EPM2A: variants seen among roughly 807,000 people sequenced by gnomAD.
EPM2A encodes laforin.
EPM2A carries 21 observed loss-of-function variants against 26.5 expected under a neutral mutation model. The ratio of observed to expected loss-of-function variants is 0.79; its 90% confidence interval spans 0.56 to 1.14. The LOEUF (loss-of-function observed/expected upper bound fraction) is 1.14. Among genes scored for constraint, EPM2A ranks in the 50% most tolerant of loss-of-function variants. The pLI is 0.00. For synonymous variants in EPM2A, 217 were observed against 177.6 expected (o/e 1.22, Z -1.76); for missense variants, 458 against 440.8 (o/e 1.04, Z -0.35).
chr6:145,514,313 C>T (rs1051811930), intron 2 of EPM2A, among the ~76,000 whole-genome samples: 18 of 152,066 alleles, frequency 1.2e-4, no homozygotes, highest in Admixed American at 3.9e-4. Context: ...CAGCAAACCT[C>T]AGGGACGTGA....
At chr6:145,711,087 G>A (rs568054679) in intron 1 of EPM2A, among the ~76,000 whole-genome samples, 8 of 152,158 alleles carry the variant, frequency 5.3e-5, no homozygotes, top group South Asian at 2.1e-4. Flanking sequence ...AAACCTGCAC[G>A]TTGTGCACAT....
downstream of EPM2A, among the ~76,000 whole-genome samples, chr6:145,498,174 A>C (rs916072288): frequency 1.3e-5 from 2 of 152,250 alleles, no homozygotes; most frequent in Admixed American, 1.3e-4. Flanking sequence ...TCATTCAAAC[A>C]GCAAAGATAG....
At chr6:145,554,799 G>A (rs927758243) in intron 2 of EPM2A, among the ~76,000 whole-genome samples, 1 of 152,000 alleles carries the variant, frequency 6.6e-6, no homozygotes, top group Admixed American at 6.6e-5. Flanking sequence ...ATGTATTGGG[G>A]AACACATTAA....
At chr6:145,631,535 A>G (rs1438413040) in intron 3 of EPM2A, 1 of 152,168 alleles carries the variant, frequency 6.6e-6, no homozygotes, top group East Asian at 1.9e-4. Flanking sequence ...ACACTCATTA[A>G]GTCCATGAAT....
intron 2 of EPM2A, among the ~76,000 whole-genome samples, chr6:145,539,889 C>A (rs1780483476): frequency 6.6e-6 from 1 of 152,144 alleles, no homozygotes; most frequent in South Asian, 2.1e-4. Flanking sequence ...CTCCAAACTA[C>A]CTTTCTTGTC....
chr6:145,455,090 G>C (rs1276609701), intron 4 of EPM2A, among the ~76,000 whole-genome samples: 1 of 151,280 alleles, frequency 6.6e-6, no homozygotes, highest in Non-Finnish European at 1.5e-5. Context: ...TGAAGAGAAT[G>C]TGGTAATAGA....
At chr6:145,620,898 A>G (rs529184153), downstream of EPM2A, among the ~76,000 whole-genome samples, 4 of 152,368 alleles carry the variant, frequency 2.6e-5, no homozygotes, top group South Asian at 2.1e-4. Flanking sequence ...GATTACCACA[A>G]TCAAGCTAAT....
chr6:145,491,008 CT>C, intron 4 of EPM2A: 1 of 920,806 alleles, frequency 1.1e-6, no homozygotes, highest in Non-Finnish European at 1.7e-6. Flanking sequence ...TCAATTGTGC[CT>C]TCAGCAATCT....
intron 4 of EPM2A, among the ~76,000 whole-genome samples, chr6:145,418,717 C>A (rs2114681293): frequency 6.6e-6 from 1 of 152,252 alleles, no homozygotes; most frequent in South Asian, 2.1e-4. Context: ...GGGCTCATGA[C>A]CCCGCTTGAC....
chr6:145,587,834 C>T (rs1259851759), intron 2 of EPM2A, among the ~76,000 whole-genome samples: 19 of 152,122 alleles, frequency 1.2e-4, no homozygotes, highest in Non-Finnish European at 1.5e-5. Flanking sequence ...ATATCTAAAA[C>T]CTTGAAAGGC....
At chr6:145,388,671 C>T (rs1314954036) in intron 4 of EPM2A, among the ~76,000 whole-genome samples, 1 of 152,108 alleles carries the variant, frequency 6.6e-6, no homozygotes, top group Non-Finnish European at 1.5e-5. Context: ...CCTTGCCCCT[C>T]AGCCCCTGAC....
intron 1 of EPM2A, among the ~76,000 whole-genome samples, chr6:145,714,742 A>G (rs899281121): frequency 1.3e-4 from 20 of 152,232 alleles, no homozygotes; most frequent in African/African-American, 4.8e-4. Flanking sequence ...GATCTTGTGC[A>G]GGGAAACTCC....
At chr6:145,421,435 C>T (rs1778779328) in intron 4 of EPM2A, among the ~76,000 whole-genome samples, 1 of 151,842 alleles carries the variant, frequency 6.6e-6, no homozygotes, top group Admixed American at 6.6e-5. Flanking sequence ...TGTAAAGGAA[C>T]ATTATGTTTA....
At chr6:145,530,358 T>G (rs1780336789) in intron 2 of EPM2A, among the ~76,000 whole-genome samples, 1 of 152,232 alleles carries the variant, frequency 6.6e-6, no homozygotes, top group Admixed American at 6.5e-5. Context: ...CGAATTTACA[T>G]TCGTTTTACT....
At chr6:145,664,628 C>G (rs1308011240) in intron 2 of EPM2A, among the ~76,000 whole-genome samples, 2 of 151,722 alleles carry the variant, frequency 1.3e-5, no homozygotes, top group Non-Finnish European at 2.9e-5. Context: ...AACAAGGATA[C>G]CCAGGAATTG....
At chr6:145,587,917 T>C (rs1781219432) in intron 2 of EPM2A, among the ~76,000 whole-genome samples, 1 of 152,246 alleles carries the variant, frequency 6.6e-6, no homozygotes. Flanking sequence ...GAAGATTTTA[T>C]GTTGGTGAAA....
intron 4 of EPM2A, among the ~76,000 whole-genome samples, chr6:145,473,319 AAAAT>A: frequency 6.6e-6 from 1 of 152,082 alleles, no homozygotes; most frequent in African/African-American, 2.4e-5. Context: ...GAAGAAAAAA[AAAAT>A]AGTGAGCTTG....
intron 4 of EPM2A, among the ~76,000 whole-genome samples, chr6:145,428,946 C>A (rs1042002594): frequency 5.3e-5 from 8 of 152,094 alleles, no homozygotes; most frequent in Non-Finnish European, 5.9e-5. Context: ...AACAGAGCAC[C>A]GTTTCTTTAA....
intron 2 of EPM2A, among the ~76,000 whole-genome samples, chr6:145,644,391 A>G (rs1213549138): frequency 3.9e-5 from 6 of 152,184 alleles, no homozygotes; most frequent in Non-Finnish European, 8.8e-5. Context: ...TACTATTTAC[A>G]GTGCTCATTG....
Sources: allele counts gnomAD v4.1 joint callset (sites outside exome capture counted in the v4.1 genomes callset), GRCh38; gene constraint gnomAD v4.1.1; transcripts MANE v1.5; gene names NCBI Gene and HGNC (gene_info 2026-07-23, HGNC 2026-07-21).